ANKS1B: variants seen among roughly 807,000 people sequenced by gnomAD.
ANKS1B encodes ankyrin repeat and sterile alpha motif domain-containing protein 1B.
ANKS1B carries 36 observed loss-of-function variants against 148.3 expected under a neutral mutation model. The observed-to-expected ratio is 0.24, with a 90% CI of 0.19 to 0.32. ANKS1B has a LOEUF of 0.32. Ranked by LOEUF, ANKS1B falls within the 10% of genes least tolerant of loss-of-function variation. ANKS1B has a pLI of 1.00. For synonymous variants in ANKS1B, 542 were observed against 560.8 expected (o/e 0.97, Z 0.47); for missense variants, 1,157 against 1,542.6 (o/e 0.75, Z 4.19).
intron 17 of ANKS1B, among the ~76,000 whole-genome samples, chr12:98,848,675 C>G (rs2099499015): frequency 6.6e-6 from 1 of 150,404 alleles, no homozygotes; most frequent in African/African-American, 2.4e-5. Context: ...TCTCCTACCT[C>G]AGTCTCCAGA....
chr12:98,875,681 A>T (rs1267205909), intron 17 of ANKS1B, among the ~76,000 whole-genome samples: 1 of 152,072 alleles, frequency 6.6e-6, no homozygotes, highest in African/African-American at 2.4e-5. Context: ...TTAATCCTCT[A>T]TGTTGCTAGC....
intron 14 of ANKS1B, among the ~76,000 whole-genome samples, chr12:99,163,179 C>T (rs1421372491): frequency 1.3e-5 from 2 of 152,032 alleles, no homozygotes; most frequent in East Asian, 3.9e-4. Context: ...CATAATAGTT[C>T]ATAATGTGGA....
At chr12:99,562,032 C>T (rs368877814) in intron 9 of ANKS1B, among the ~76,000 whole-genome samples, 3 of 152,218 alleles carry the variant, frequency 2.0e-5, no homozygotes, top group East Asian at 1.9e-4. Flanking sequence ...AGAATAGATG[C>T]TGTGTTCGCA....
At chr12:99,262,208 C>T (rs2075996619) in intron 12 of ANKS1B, among the ~76,000 whole-genome samples, 1 of 152,052 alleles carries the variant, frequency 6.6e-6, no homozygotes, top group Admixed American at 6.6e-5. Context: ...CCCTTCCCTG[C>T]TTTATAGTTT....
At chr12:99,649,364 G>T (rs1305014309) in intron 9 of ANKS1B, 1 of 1,614,008 alleles carries the variant, frequency 6.2e-7, no homozygotes, top group South Asian at 1.1e-5. Context: ...GAAATGTTTG[G>T]GTCCACCTAT....
At chr12:98,839,839 TTC>T (rs961183849) in intron 17 of ANKS1B, among the ~76,000 whole-genome samples, 1 of 152,198 alleles carries the variant, frequency 6.6e-6, no homozygotes, top group African/African-American at 2.4e-5. Flanking sequence ...ACATAGACCT[TTC>T]TCTCTTTGAA....
rs114045084 is a variant in ANKS1B, at chr12:99,837,462, G to A, written c.135-12073C>T. ...CTTTCCAAATACTTGGGAATTTAAGGTAGCATGAGAAAGAGAGCATGAACA... is the reference window on the plus strand; with the variant it reads ...CTTTCCAAATACTTGGGAATTTAAGATAGCATGAGAAAGAGAGCATGAACA... On this transcript the variant is annotated intron_variant, in intron 1 of 26. Transcript: ENST00000683438. Among the ~76,000 whole-genome samples the A allele has an allele frequency of 7.9e-3, 1,199 of 152,206 alleles. 16 individuals are homozygous for A. The highest frequency in any genetic ancestry group is 0.027 in the African/African-American group (1,133 of 41,512).
chr12:98,947,595 C>A (rs531182567), intron 17 of ANKS1B, among the ~76,000 whole-genome samples: 4 of 152,276 alleles, frequency 2.6e-5, no homozygotes, highest in Admixed American at 1.3e-4. Flanking sequence ...AGGGTTCACA[C>A]GCAAACCAGT....
chr12:99,023,401 T>A (rs2099946945), intron 17 of ANKS1B, among the ~76,000 whole-genome samples: 1 of 152,160 alleles, frequency 6.6e-6, no homozygotes, highest in African/African-American at 2.4e-5. Context: ...TAGCTGGGTA[T>A]AAATCCTTTG....
chr12:99,392,638 C>T (rs968638981), intron 12 of ANKS1B, among the ~76,000 whole-genome samples: 1 of 152,176 alleles, frequency 6.6e-6, no homozygotes, highest in Non-Finnish European at 1.5e-5. Flanking sequence ...TTGGACACAG[C>T]TTTCTATAAA....
intron 10 of ANKS1B, among the ~76,000 whole-genome samples, chr12:99,486,878 C>T (rs949097227): frequency 1.6e-4 from 24 of 152,246 alleles, no homozygotes; most frequent in African/African-American, 5.1e-4. Flanking sequence ...CTGTAGGGTG[C>T]TCCTCCTGTG....
chr12:99,259,244 A>G (rs994800336), intron 12 of ANKS1B, among the ~76,000 whole-genome samples: 3 of 152,226 alleles, frequency 2.0e-5, no homozygotes, highest in African/African-American at 7.2e-5. Context: ...AGGTATCAGT[A>G]GTGATCTTTG....
At chr12:99,868,976 G>A (rs2091120666) in intron 1 of ANKS1B, among the ~76,000 whole-genome samples, 1 of 152,164 alleles carries the variant, frequency 6.6e-6, no homozygotes, top group Admixed American at 6.5e-5. Context: ...AGAATAGCTT[G>A]AACTCGGGAG....
intron 15 of ANKS1B, among the ~76,000 whole-genome samples, chr12:99,115,004 G>A (rs1265053608): frequency 6.6e-6 from 1 of 152,108 alleles, no homozygotes; most frequent in Non-Finnish European, 1.5e-5. Context: ...GCAGAGAAAA[G>A]GCAGCACTTA....
At chr12:99,474,690 A>G (rs896315822) in intron 10 of ANKS1B, among the ~76,000 whole-genome samples, 1 of 152,196 alleles carries the variant, frequency 6.6e-6, no homozygotes, top group African/African-American at 2.4e-5. Flanking sequence ...AGGGAATACT[A>G]TATAATGACA....
chr12:99,285,206 G>C (rs1447319920), intron 12 of ANKS1B, among the ~76,000 whole-genome samples: 1 of 152,052 alleles, frequency 6.6e-6, no homozygotes, highest in Non-Finnish European at 1.5e-5. Flanking sequence ...TTATCTAAAT[G>C]AAATTATACA....
At chr12:99,277,582 A>G (rs1191166150) in intron 12 of ANKS1B, among the ~76,000 whole-genome samples, 2 of 152,236 alleles carry the variant, frequency 1.3e-5, no homozygotes, top group Non-Finnish European at 2.9e-5. Flanking sequence ...GGGTTAGTAA[A>G]GAGTTCTTCC....
intron 17 of ANKS1B, among the ~76,000 whole-genome samples, chr12:98,973,591 G>T (rs2099885628): frequency 6.6e-6 from 1 of 152,104 alleles, no homozygotes; most frequent in Admixed American, 6.6e-5. Context: ...ATCCCTCCAG[G>T]GATGTGAGTC....
chr12:98,963,605 G>A (rs535232667), intron 17 of ANKS1B, among the ~76,000 whole-genome samples: 20 of 152,316 alleles, frequency 1.3e-4, no homozygotes, highest in African/African-American at 4.8e-4. Flanking sequence ...GTGATTTCTT[G>A]AGTAATACCT....
Sources: allele counts gnomAD v4.1 joint callset (sites outside exome capture counted in the v4.1 genomes callset), GRCh38; gene constraint gnomAD v4.1.1; transcripts MANE v1.5; gene names NCBI Gene and HGNC (gene_info 2026-07-23, HGNC 2026-07-21).